The following KCNIP4 variants were observed in gnomAD, a reference collection of about 807,000 sequenced individuals.
KCNIP4 encodes the protein Kv channel-interacting protein 4.
In KCNIP4, 12 loss-of-function variants were observed where a neutral mutation model predicts 34.0. The observed-to-expected ratio is 0.35, with a 90% CI of 0.23 to 0.57. KCNIP4 has a LOEUF of 0.57. KCNIP4 is among the 20% of genes least tolerant of loss of function. The pLI is 0.83. For synonymous variants in KCNIP4, 124 were observed against 102.2 expected, an observed-to-expected ratio of 1.21 and a Z score of -1.29; for missense variants, 238 against 311.7, an observed-to-expected ratio of 0.76 and a Z score of 1.78.
chr4:21,089,038 A>G (rs1746732522), intron 1 of KCNIP4, among the ~76,000 whole-genome samples: 1 of 152,218 alleles, frequency 6.6e-6, no homozygotes, highest in Admixed American at 6.5e-5. Flanking sequence ...AGGTTAACTA[A>G]AAATATAACT....
chr4:21,138,098 G>T (rs1425144972), intron 1 of KCNIP4, among the ~76,000 whole-genome samples: 1 of 151,868 alleles, frequency 6.6e-6, no homozygotes, highest in Non-Finnish European at 1.5e-5. Context: ...TCTCGAACTC[G>T]TGACCTCAAG....
intron 1 of KCNIP4, among the ~76,000 whole-genome samples, chr4:21,129,383 AC>A (rs1438531613): frequency 9.9e-5 from 15 of 152,210 alleles, no homozygotes; most frequent in African/African-American, 3.6e-4. Flanking sequence ...ACATTGGTTA[AC>A]CTCACATTTC....
At chr4:21,613,475 A>G (rs886629430) in intron 1 of KCNIP4, 9 of 152,172 alleles carry the variant, frequency 5.9e-5, no homozygotes, top group African/African-American at 1.7e-4. Flanking sequence ...GACTCTCTAA[A>G]GCCTTTACAT....
chr4:20,784,209 C>T (rs1269249688), intron 3 of KCNIP4, among the ~76,000 whole-genome samples: 1 of 152,090 alleles, frequency 6.6e-6, no homozygotes, highest in Admixed American at 6.6e-5. Context: ...TAATTAATCC[C>T]AGAACATTAG....
intron 1 of KCNIP4, among the ~76,000 whole-genome samples, chr4:21,595,605 C>G (rs1742584583): frequency 6.6e-6 from 1 of 152,058 alleles, no homozygotes; most frequent in Non-Finnish European, 1.5e-5. Context: ...ACACTCCTAC[C>G]AACAGTGTAA....
At chr4:20,962,083 AG>A in intron 1 of KCNIP4, among the ~76,000 whole-genome samples, 1 of 152,260 alleles carries the variant, frequency 6.6e-6, no homozygotes, top group Non-Finnish European at 1.5e-5. Flanking sequence ...AAATTTAGGA[AG>A]GATAAATTTC....
chr4:21,230,550 G>T (rs1758718596), intron 1 of KCNIP4, among the ~76,000 whole-genome samples: 1 of 151,988 alleles, frequency 6.6e-6, no homozygotes, highest in African/African-American at 2.4e-5. Flanking sequence ...GGAGCATGTT[G>T]TTCCCCTCCT....
intron 1 of KCNIP4, among the ~76,000 whole-genome samples, chr4:20,994,011 G>A (rs1303756060): frequency 3.9e-5 from 6 of 152,162 alleles, no homozygotes; most frequent in African/African-American, 1.2e-4. Flanking sequence ...CTCTGACACT[G>A]ACCCATCTAC....
At chr4:20,989,042 G>T (rs1179514419) in intron 1 of KCNIP4, among the ~76,000 whole-genome samples, 1 of 152,034 alleles carries the variant, frequency 6.6e-6, no homozygotes, top group African/African-American at 2.4e-5. Context: ...TTTTTTCTTT[G>T]TCTTGTCACT....
chr4:21,004,608 T>C (rs1738405109), intron 1 of KCNIP4, among the ~76,000 whole-genome samples: 1 of 152,136 alleles, frequency 6.6e-6, no homozygotes, highest in Admixed American at 6.5e-5. Context: ...CAACAATTAC[T>C]GTGGGAGAGA....
At chr4:20,916,988 TATATATATATATATATATA>T (rs1728892131) in intron 1 of KCNIP4, among the ~76,000 whole-genome samples, 1,295 of 30,338 alleles carry the variant, frequency 0.043, 172 homozygotes, top group Non-Finnish European at 0.065. Flanking sequence ...CTTATGTTTA[TATATATATATATATATATA>T]TATATATATA....
chr4:21,896,611 G>A (rs1323720751), intron 1 of KCNIP4, among the ~76,000 whole-genome samples: 3 of 152,122 alleles, frequency 2.0e-5, no homozygotes, highest in Non-Finnish European at 4.4e-5. Flanking sequence ...ATATGACAAT[G>A]CACAGCCATT....
intron 1 of KCNIP4, among the ~76,000 whole-genome samples, chr4:21,631,384 A>G (rs1745756900): frequency 6.6e-6 from 1 of 152,198 alleles, no homozygotes; most frequent in African/African-American, 2.4e-5. Context: ...GTAGTTATGT[A>G]AACATTAGCT....
Position 21,042,150 on chromosome 4 carries a change from A to G in KCNIP4, c.62-159441T>C, listed in dbSNP as rs141820468. 5.2e-3 allele frequency among the ~76,000 whole-genome samples: 797 copies of G among 152,306 alleles called. 4 individuals carry two copies. Among genetic ancestry groups the G allele is most frequent in the Admixed American group, 9.5e-3 (146 of 15,298 alleles). On this transcript the variant is annotated intron_variant, in intron 1 of 8. Coordinates refer to ENST00000382152, the MANE Select transcript of KCNIP4 (RefSeq NM_025221.6). ...CCTTAAGGGTGTTGGGCATTTCCCT[A>G]TGATTCACAAAGGAAGGTCATCCAG... is the stretch of plus-strand genomic sequence containing the variant.
rs144369776 is a variant in KCNIP4 at position 20,996,789 on chromosome 4, C to A, written c.62-114080G>T. On this transcript the variant is annotated intron_variant, in intron 1 of 8. Coordinates refer to ENST00000382152, the MANE Select transcript of KCNIP4 (RefSeq NM_025221.6). ...TCTTTTTTTTAAATGCCTCTTAGCA[C>A]GTTCATTTCCTATCTCATCCCACTT... Among the ~76,000 whole-genome samples, 433 of 152,056 alleles carry A rather than the reference C, an allele frequency of 2.8e-3. 3 individuals carry two copies. The highest frequency in any genetic ancestry group is 4.4e-3 in the Non-Finnish European group (299 of 68,004).
At chr4:21,734,855 A>G (rs2109118071) in intron 1 of KCNIP4, among the ~76,000 whole-genome samples, 1 of 152,212 alleles carries the variant, frequency 6.6e-6, no homozygotes, top group East Asian at 1.9e-4. Flanking sequence ...TTTTTTTAAC[A>G]GCTGAGTATT....
chr4:21,261,473 T>C (rs899934717), intron 1 of KCNIP4, among the ~76,000 whole-genome samples: 4 of 152,136 alleles, frequency 2.6e-5, no homozygotes, highest in African/African-American at 9.7e-5. Context: ...TTCCACTGAA[T>C]CAATTACACT....
At chr4:21,015,402 T>C (rs1054548581) in intron 1 of KCNIP4, among the ~76,000 whole-genome samples, 3 of 142,126 alleles carry the variant, frequency 2.1e-5, no homozygotes, top group Non-Finnish European at 3.0e-5. Flanking sequence ...ATTGGTTATA[T>C]ATATAACCAC....
chr4:21,538,378 C>G (rs1255002196), intron 1 of KCNIP4, among the ~76,000 whole-genome samples: 7 of 152,176 alleles, frequency 4.6e-5, no homozygotes, highest in Non-Finnish European at 1.0e-4. Flanking sequence ...GTGCTATGCT[C>G]AGCGTTGAGA....
Sources: gnomAD v4.1 joint callset for allele counts (sites outside exome capture counted in the v4.1 genomes callset) on GRCh38, gnomAD v4.1.1 for gene constraint, MANE v1.5 for transcripts, NCBI Gene and HGNC (gene_info 2026-07-23, HGNC 2026-07-21) for gene names.